Variants in EFCAB6 observed in about 807,000 individuals in gnomAD.
EFCAB6 encodes EF-hand calcium binding domain 6.
A neutral mutation model predicts 169.8 loss-of-function variants in EFCAB6; 156 were observed. The observed-to-expected ratio is 0.92, with a 90% CI of 0.81 to 1.05. EFCAB6 has a LOEUF of 1.05. Among genes scored for constraint, EFCAB6 ranks in the 50% least tolerant of loss-of-function variants. EFCAB6 has a pLI of 0.00. For synonymous variants in EFCAB6, 698 were observed against 676.4 expected (o/e 1.03, Z -0.50); for missense variants, 1,800 against 1,829.1 (o/e 0.98, Z 0.29).
chr22:43,530,340 C>T (rs776783601), intron 31 of EFCAB6, among the ~76,000 whole-genome samples: 1 of 152,164 alleles, frequency 6.6e-6, no homozygotes, highest in South Asian at 2.1e-4. Context: ...GGGGGTGGGA[C>T]ATGGAGGGCA....
intron 7 of EFCAB6, among the ~76,000 whole-genome samples, chr22:43,732,326 C>T (rs2059983397): frequency 6.6e-6 from 1 of 152,048 alleles, no homozygotes. Context: ...CTGAGGCCCA[C>T]AGATGGCATA....
chr22:43,568,108 C>T (rs2049571011), intron 26 of EFCAB6, among the ~76,000 whole-genome samples: 1 of 152,206 alleles, frequency 6.6e-6, no homozygotes, highest in South Asian at 2.1e-4. Context: ...CACCCAGTTT[C>T]CTCCTCTGCA....
intron 17 of EFCAB6, among the ~76,000 whole-genome samples, chr22:43,651,057 C>G (rs2056441207): frequency 6.6e-6 from 1 of 152,194 alleles, no homozygotes; most frequent in South Asian, 2.1e-4. Context: ...AGCAGAAATT[C>G]AAGCTGGTGG....
At chr22:43,532,580 CTTT>C (rs34388230) in intron 30 of EFCAB6, among the ~76,000 whole-genome samples, 7 of 146,270 alleles carry the variant, frequency 4.8e-5, no homozygotes, top group Non-Finnish European at 7.6e-5. Context: ...TGTCTAAAGT[CTTT>C]TTTTTTTTTT....
chr22:43,575,174 T>TTTG (rs56125626), intron 26 of EFCAB6, among the ~76,000 whole-genome samples: 55,714 of 150,920 alleles, frequency 0.37, 10,960 homozygotes, highest in East Asian at 0.75. Flanking sequence ...ATAGACTGTT[T>TTTG]TTGTTGTTGT....
intron 1 of EFCAB6, 117 bp from the exon 2 acceptor site, chr22:43,809,248 T>C (rs1288021977): frequency 6.6e-6 from 1 of 152,224 alleles, no homozygotes; most frequent in African/African-American, 2.4e-5. Context: ...TACTTTTATT[T>C]TTCCATGAGT....
intron 21 of EFCAB6, among the ~76,000 whole-genome samples, chr22:43,610,755 A>T (rs1602593694): frequency 6.6e-6 from 1 of 152,240 alleles, no homozygotes; most frequent in East Asian, 1.9e-4. Flanking sequence ...TTTAAAAAAA[A>T]TTGAGTCTGT....
chr22:43,740,736 A>G (rs911683946), intron 6 of EFCAB6, among the ~76,000 whole-genome samples: 1 of 152,316 alleles, frequency 6.6e-6, no homozygotes, highest in South Asian at 2.1e-4. Flanking sequence ...AGCCGGCTCC[A>G]GTGCCTCTGT....
At chr22:43,618,185 A>G (rs375155042) in intron 20 of EFCAB6, among the ~76,000 whole-genome samples, 3,162 of 105,050 alleles carry the variant, frequency 0.03, 97 homozygotes, top group African/African-American at 0.061. Flanking sequence ...AAAGAAAGAA[A>G]GAAAGAAAGA....
At position 43,722,322 on chromosome 22, in the gene EFCAB6, C is replaced by T. The variant is rs766789592; in HGVS notation, c.758-5350G>A. Among the ~76,000 whole-genome samples, 76 of 151,474 alleles carry T rather than the reference C, an allele frequency of 5.0e-4. 1 individual carries two copies. The highest frequency in any genetic ancestry group is 1.5e-4 in the Non-Finnish European group (10 of 67,958). ...TGGGCAGATCACGAGGTCAAGAGAT[C>T]GAGACCATCCTGGCTAACATGGTGA... On this transcript the variant is annotated intron_variant, in intron 8 of 31. Coordinates refer to ENST00000262726, the MANE Select transcript of EFCAB6 (RefSeq NM_022785.4).
chr22:43,594,826 T>C (rs1022725579), intron 23 of EFCAB6, among the ~76,000 whole-genome samples: 14 of 152,218 alleles, frequency 9.2e-5, no homozygotes, highest in Non-Finnish European at 1.9e-4. Flanking sequence ...TGCTGCAGAA[T>C]ACAGATTCTT....
chr22:43,604,100 C>G (rs2052736343), intron 22 of EFCAB6, among the ~76,000 whole-genome samples: 1 of 152,142 alleles, frequency 6.6e-6, no homozygotes, highest in Non-Finnish European at 1.5e-5. Context: ...TTTCCTGAGG[C>G]CTTCCCAGAA....
chr22:43,678,330 TG>T (rs2057862668), intron 12 of EFCAB6, among the ~76,000 whole-genome samples, 167 bp from the exon 13 acceptor site: 1 of 8,720 alleles, frequency 1.1e-4, no homozygotes, highest in Admixed American at 2.3e-3. Flanking sequence ...ACATGAGCAC[TG>T]TGTGTGTGTG....
intron 20 of EFCAB6, among the ~76,000 whole-genome samples, chr22:43,623,003 T>C (rs73172067): frequency 0.078 from 11,950 of 152,232 alleles, 646 homozygotes; most frequent in South Asian, 0.18. Context: ...GCAAGAAAAT[T>C]TGAGAAAGGA....
chr22:43,597,827 CAA>C (rs1487106111), intron 23 of EFCAB6, among the ~76,000 whole-genome samples: 1 of 152,026 alleles, frequency 6.6e-6, no homozygotes, highest in Admixed American at 6.5e-5. Context: ...GAAATCAACC[CAA>C]GTGTCCATCA....
chr22:43,800,920 C>A (rs1019059761), intron 2 of EFCAB6, among the ~76,000 whole-genome samples: 4 of 152,078 alleles, frequency 2.6e-5, no homozygotes, highest in African/African-American at 9.7e-5. Flanking sequence ...AAAGCTTATT[C>A]AAATAAATAA....
At chr22:43,689,964 T>A (rs2058345439) in intron 10 of EFCAB6, among the ~76,000 whole-genome samples, 1 of 152,096 alleles carries the variant, frequency 6.6e-6, no homozygotes, top group African/African-American at 2.4e-5. Context: ...ACTAATCCAA[T>A]TGAGTAAATT....
At chr22:43,541,197 A>G (rs760498491) in intron 27 of EFCAB6, among the ~76,000 whole-genome samples, 7 of 152,148 alleles carry the variant, frequency 4.6e-5, no homozygotes, top group Non-Finnish European at 7.4e-5. Flanking sequence ...TTCCCCTGGA[A>G]GCCTGGGCTC....
intron 8 of EFCAB6, among the ~76,000 whole-genome samples, chr22:43,720,749 C>T (rs1381316462): frequency 6.6e-6 from 1 of 151,952 alleles, no homozygotes; most frequent in African/African-American, 2.4e-5. Context: ...AAGATCCTAT[C>T]TTTTGGATAG....
Sources: gnomAD v4.1 joint callset for allele counts (sites outside exome capture counted in the v4.1 genomes callset) on GRCh38, gnomAD v4.1.1 for gene constraint, MANE v1.5 for transcripts, NCBI Gene and HGNC (gene_info 2026-07-23, HGNC 2026-07-21) for gene names.